Variants in ARHGAP40 observed in about 807,000 individuals in gnomAD.
The protein encoded by ARHGAP40 is rho GTPase-activating protein 40.
Under a neutral mutation model 73.5 loss-of-function variants are expected in ARHGAP40, and 43 were observed. The ratio of observed to expected loss-of-function variants is 0.58; its 90% CI spans 0.46 to 0.75. The LOEUF (loss-of-function observed/expected upper bound fraction) is 0.75, where lower values mean the gene tolerates loss of function less well. Among genes scored for constraint, ARHGAP40 ranks in the 30% least tolerant of loss-of-function variants. The pLI, the probability that ARHGAP40 is intolerant of heterozygous loss-of-function variation, is 0.00. For synonymous variants in ARHGAP40, 300 were observed against 352.8 expected, an observed-to-expected ratio of 0.85 and a Z score of 1.68; for missense variants, 734 against 861.8, an observed-to-expected ratio of 0.85 and a Z score of 1.86.
chr20:38,614,933 T>G, intron 1 of ARHGAP40: 1 of 1,346,424 alleles, frequency 7.4e-7, no homozygotes, highest in Non-Finnish European at 1.1e-6. Flanking sequence ...TGAGACTGAG[T>G]ACTCTCCGAA....
intron 2 of ARHGAP40, among the ~76,000 whole-genome samples, chr20:38,625,905 A>C (rs191129551): frequency 1.4e-3 from 214 of 152,348 alleles, no homozygotes; most frequent in Non-Finnish European, 2.4e-3. Context: ...ATATTTGGTA[A>C]GGAATTTTAC....
intron 1 of ARHGAP40, among the ~76,000 whole-genome samples, chr20:38,617,497 G>A (rs190614673): frequency 4.6e-5 from 7 of 152,236 alleles, no homozygotes; most frequent in Admixed American, 1.3e-4. Context: ...AAAAAGGGAC[G>A]TGCCCACAGC....
At chr20:38,645,105 T>A (rs1288102966) in intron 11 of ARHGAP40, among the ~76,000 whole-genome samples, 1 of 151,804 alleles carries the variant, frequency 6.6e-6, no homozygotes, top group Non-Finnish European at 1.5e-5. Flanking sequence ...TTCACACTTC[T>A]GAATTTTTGC....
rs7269060 is a variant in ARHGAP40, at chr20:38,639,086, C to T, written c.1120-141C>T. On this transcript the variant is annotated intron_variant, in intron 8 of 14. Coordinates refer to ENST00000373345, the Ensembl canonical transcript of ARHGAP40. ...CAGTGACACGCACGTTAGACCATTT[C>T]GTCCTTACTTCAACCCCACGAGGGA... 2.3e-3 allele frequency: 2,072 copies of T among 904,378 alleles called. 28 individuals carry two copies. In the African/African-American group the frequency reaches 0.032, roughly 14 times the overall value. The allele number at this position is 904,378 out of a possible 1,614,324, so 56.0% of individuals were successfully genotyped here.
intron 1 of ARHGAP40, among the ~76,000 whole-genome samples, chr20:38,602,583 T>C (rs2088741814): frequency 1.3e-5 from 2 of 152,192 alleles, no homozygotes; most frequent in Admixed American, 1.3e-4. Context: ...TCTGATTACA[T>C]CATATTACAA....
chr20:38,604,408 T>G (rs2145590660), intron 1 of ARHGAP40, among the ~76,000 whole-genome samples: 1 of 151,984 alleles, frequency 6.6e-6, no homozygotes, highest in East Asian at 1.9e-4. Flanking sequence ...TTTTTTTTTT[T>G]TTTTTGAGAT....
chr20:38,637,594 A>T, intron 6 of ARHGAP40, 114 bp from the exon 7 acceptor site: 2 of 773,548 alleles, frequency 2.6e-6, no homozygotes, highest in Non-Finnish European at 3.9e-6. Context: ...TAGAGAGCTC[A>T]GTCCTTCCAC....
At chr20:38,605,086 T>C (rs915805496) in intron 1 of ARHGAP40, among the ~76,000 whole-genome samples, 5 of 152,284 alleles carry the variant, frequency 3.3e-5, no homozygotes, top group African/African-American at 1.2e-4. Context: ...CCCTTGCTTG[T>C]GAGTCATTTA....
At chr20:38,614,849 A>G (rs2088825364) in intron 1 of ARHGAP40, 10 of 892,690 alleles carry the variant, frequency 1.1e-5, no homozygotes, top group Non-Finnish European at 1.9e-5. Flanking sequence ...CTCCAGAACC[A>G]TGAGTACCTC....
At position 38,643,746 on chromosome 20, in the gene ARHGAP40, CACA is replaced by C. The variant is rs770949107; in HGVS notation, c.1410_1412del (p.Asn470del). ...CAGGAAGGTGGTGGCCCGGGAACAGCACAACAAGATGACTCTGAGGAATGTTTC... is the reference window on the plus strand; with the variant it reads ...CAGGAAGGTGGTGGCCCGGGAACAGCACAAGATGACTCTGAGGAATGTTTC... On this transcript the variant is annotated inframe_deletion, in exon 11 of 15. Transcript: ENST00000373345. 9 of 1,305,790 alleles carry C rather than the reference CACA, an allele frequency of 6.9e-6. No homozygotes were observed. In the South Asian group the frequency reaches 8.6e-5, roughly 13 times the overall value. The allele number at this position is 1,305,790 out of a possible 1,614,324, so 80.9% of individuals were successfully genotyped here. A position where few individuals can be genotyped will look rare whatever the true frequency, so the allele number is the denominator to read the frequency against.
At chr20:38,645,036 C>T (rs892907992) in intron 11 of ARHGAP40, among the ~76,000 whole-genome samples, 6 of 152,324 alleles carry the variant, frequency 3.9e-5, no homozygotes, top group African/African-American at 7.2e-5. Context: ...CCTGCCTGGG[C>T]ACTCGTCTGT....
In ARHGAP40 at chr20:38,646,085, C is replaced by G. The variant is rs1178351908; in HGVS notation, c.1608C>G (p.Asn536Lys). The G allele has an allele frequency of 7.7e-7, 1 of 1,304,252 alleles. No homozygotes were observed. Among genetic ancestry groups the G allele is most frequent in the East Asian group, 5.5e-5 (1 of 18,020 alleles). 80.8% of individuals were successfully genotyped at this position (1,304,252 alleles called of 1,614,324 possible). ...TGGTCGCCCAGGTGCGAAAACTGAA[C>G]GACAGTAGCAGCAGGCGCCCCCAGC... Residue 536 changes from asparagine to lysine, a missense_variant, in exon 12 of 15, where the codon AAC becomes AAG. Transcript: ENST00000373345. The surrounding 1 kb of genome is among the most constrained non-coding windows in gnomAD (Gnocchi z 4.5).
chr20:38,618,598 G>A (rs2088856995), intron 1 of ARHGAP40, among the ~76,000 whole-genome samples: 1 of 152,156 alleles, frequency 6.6e-6, no homozygotes, highest in Admixed American at 6.5e-5. Context: ...GTGACTTCAT[G>A]CTGGGGACTG....
intron 6 of ARHGAP40, 67 bp downstream of exon 6, chr20:38,634,852 T>C: frequency 7.7e-6 from 9 of 1,175,818 alleles, no homozygotes; most frequent in Non-Finnish European, 9.7e-6. Flanking sequence ...ACACGGACTC[T>C]CCCAGCAAGA....
intron 1 of ARHGAP40, 77 bp from the exon 2 acceptor site, chr20:38,623,282 G>A (rs6123893): frequency 0.34 from 384,873 of 1,122,054 alleles, 69,043 homozygotes; most frequent in Non-Finnish European, 0.37. Context: ...GATTTCTGGA[G>A]AGCCACAAGC....
At chr20:38,610,822 T>C (rs2088799962) in intron 1 of ARHGAP40, among the ~76,000 whole-genome samples, 1 of 152,154 alleles carries the variant, frequency 6.6e-6, no homozygotes, top group Non-Finnish European at 1.5e-5. Flanking sequence ...ATAGGTCCTG[T>C]TTATAATTGG....
intron 2 of ARHGAP40, 99 bp downstream of exon 2, chr20:38,623,657 A>G: frequency 2.0e-6 from 2 of 1,008,240 alleles, no homozygotes; most frequent in African/African-American, 3.4e-5. Flanking sequence ...ACATGACAGC[A>G]TTTTCTCTGT....
chr20:38,631,469 A>G (rs982788682), intron 5 of ARHGAP40, among the ~76,000 whole-genome samples: 6 of 152,154 alleles, frequency 3.9e-5, no homozygotes, highest in Admixed American at 2.0e-4. Flanking sequence ...AGCAGACAAG[A>G]GAAGAGAGCT....
chr20:38,609,469 C>T, intron 1 of ARHGAP40, among the ~76,000 whole-genome samples: 1 of 152,236 alleles, frequency 6.6e-6, no homozygotes, highest in East Asian at 1.9e-4. Flanking sequence ...AAATATTTAT[C>T]AATATCTGCT....
Sources: allele counts gnomAD v4.1 joint callset (sites outside exome capture counted in the v4.1 genomes callset), GRCh38; gene constraint gnomAD v4.1.1; non-coding constraint Gnocchi (gnomAD v3.1); transcripts MANE v1.5; gene names NCBI Gene and HGNC (gene_info 2026-07-23, HGNC 2026-07-21).